Variants in PHF24 observed in about 807,000 individuals in gnomAD.
PHF24 encodes the protein PHD finger protein 24, also known as Galpha inhibitory interacting protein.
A neutral mutation model predicts 42.6 loss-of-function variants in PHF24; 25 were observed. That is an observed-to-expected ratio of 0.59 (90% confidence interval 0.43 to 0.82). The LOEUF is 0.82. PHF24 is among the 40% of genes least tolerant of loss of function. The probability of loss-of-function intolerance (pLI) is 0.00; values close to 1 mark genes in which losing one functional copy is unlikely to be tolerated. For missense variants in PHF24, 470 were observed against 538.1 expected (o/e 0.87, Z 1.25); for synonymous variants, 185 against 204.8 (o/e 0.90, Z 0.83).
At chr9:34,724,313 T>C in the PHF24 span, 14 of 1,551,332 alleles carry the variant, frequency 9.0e-6, no homozygotes, top group Non-Finnish European at 1.2e-5. Context: ...GGATTGCTTT[T>C]GGTTCTGCTG....
At chr9:34,883,516 A>G in the PHF24 span, among the ~76,000 whole-genome samples, 1 of 152,260 alleles carries the variant, frequency 6.6e-6, no homozygotes, top group Non-Finnish European at 1.5e-5. Flanking sequence ...ACAAATTTAC[A>G]AGAAAAAATC....
chr9:34,797,126 G>T, the PHF24 span, among the ~76,000 whole-genome samples: 1 of 152,172 alleles, frequency 6.6e-6, no homozygotes, highest in Non-Finnish European at 1.5e-5. Context: ...GTGCGATGGG[G>T]GTGTGGCTTG....
the PHF24 span, among the ~76,000 whole-genome samples, chr9:34,890,405 G>T: frequency 6.6e-6 from 1 of 152,186 alleles, no homozygotes; most frequent in African/African-American, 2.4e-5. Context: ...CCTCCAGGCT[G>T]GGTTGTTCAC....
chr9:34,768,417 G>A, the PHF24 span, among the ~76,000 whole-genome samples: 1 of 152,044 alleles, frequency 6.6e-6, no homozygotes, highest in African/African-American at 2.4e-5. Context: ...GTAGTTGAGT[G>A]GTTTCTTTGG....
the PHF24 span, among the ~76,000 whole-genome samples, chr9:34,797,495 TC>T: frequency 1.8e-4 from 27 of 152,008 alleles, no homozygotes; most frequent in Non-Finnish European, 3.4e-4. Context: ...GGGAAGGTTC[TC>T]CCCCGGAGTC....
the PHF24 span, among the ~76,000 whole-genome samples, chr9:34,936,010 A>G: frequency 6.7e-6 from 1 of 149,248 alleles, no homozygotes; most frequent in Non-Finnish European, 1.5e-5. Flanking sequence ...AAAAAAATTG[A>G]GTCTCCCTCT....
the PHF24 span, among the ~76,000 whole-genome samples, chr9:34,702,158 C>T: frequency 2.0e-5 from 3 of 152,088 alleles, no homozygotes; most frequent in Non-Finnish European, 4.4e-5. Flanking sequence ...AAACGCGCAA[C>T]CTTTGGCCTA....
In PHF24 at chr9:34,977,249, C is replaced by T. The variant is rs1827227464; in HGVS notation, c.1010+6C>T. On this transcript the variant is annotated splice_donor_region_variant and intron_variant, in intron 6 of 7. Coordinates refer to ENST00000242315, the Ensembl canonical transcript of PHF24. Reference sequence around the variant, plus strand: ...GCTCCTTCCTGCAGTGTCAGGTCTGCTCCTTACCAGTCCTGGTCCCCACTC... The same window carrying T: ...GCTCCTTCCTGCAGTGTCAGGTCTGTTCCTTACCAGTCCTGGTCCCCACTC... 1 of 1,595,322 alleles carries T rather than the reference C, an allele frequency of 6.3e-7. No individual in the cohort carries two copies. Among genetic ancestry groups the T allele is most frequent in the African/African-American group, 1.3e-5 (1 of 74,354 alleles).
chr9:34,898,708 A>G, the PHF24 span, among the ~76,000 whole-genome samples: 3 of 152,138 alleles, frequency 2.0e-5, no homozygotes, highest in Non-Finnish European at 2.9e-5. Context: ...TATTACTCCT[A>G]CTTAACCAGC....
chr9:34,792,770 T>G, the PHF24 span, among the ~76,000 whole-genome samples: 3 of 152,246 alleles, frequency 2.0e-5, no homozygotes, highest in Non-Finnish European at 4.4e-5. Flanking sequence ...TCAGAATACT[T>G]GCTAATGTCT....
the PHF24 span, among the ~76,000 whole-genome samples, chr9:34,784,027 G>C: frequency 2.6e-5 from 4 of 152,302 alleles, no homozygotes; most frequent in South Asian, 8.3e-4. Flanking sequence ...CAAGAAGCCA[G>C]CAGCTAGTGG....
chr9:34,897,777 C>T, the PHF24 span, among the ~76,000 whole-genome samples: 3 of 152,068 alleles, frequency 2.0e-5, no homozygotes, highest in South Asian at 4.2e-4. Context: ...ACCCATCACC[C>T]GAGCAGTATA....
At chr9:34,833,859 G>C in the PHF24 span, 721 of 1,551,104 alleles carry the variant, frequency 4.6e-4, 11 homozygotes, top group South Asian at 3.2e-3. Flanking sequence ...ACGGGACTAG[G>C]CTCCATCTCT....
At chr9:34,670,852 A>T in the PHF24 span, among the ~76,000 whole-genome samples, 1 of 152,110 alleles carries the variant, frequency 6.6e-6, no homozygotes, top group Non-Finnish European at 1.5e-5. Context: ...CACCCACTAG[A>T]TTCCCTGAGG....
chr9:34,877,280 C>CAAAAAAA, the PHF24 span, among the ~76,000 whole-genome samples: 2 of 114,388 alleles, frequency 1.7e-5, no homozygotes, highest in African/African-American at 3.5e-5. Flanking sequence ...GACTCTGTCT[C>CAAAAAAA]AAAAAAAAAA....
At chr9:34,976,005 G>T in intron 3 of PHF24, 147 bp from the exon 4 acceptor site, 1 of 642,098 alleles carries the variant, frequency 1.6e-6, no homozygotes. Flanking sequence ...CCTCTCTGGG[G>T]CCTCAATCTC....
At chr9:34,969,764 G>A (rs1826908431) in intron 1 of PHF24, among the ~76,000 whole-genome samples, 1 of 152,100 alleles carries the variant, frequency 6.6e-6, no homozygotes, top group Non-Finnish European at 1.5e-5. Flanking sequence ...CACTCAGTCA[G>A]TATTATTCCT....
At chr9:34,748,847 A>C in the PHF24 span, among the ~76,000 whole-genome samples, 1 of 152,184 alleles carries the variant, frequency 6.6e-6, no homozygotes, top group Non-Finnish European at 1.5e-5. Context: ...TGACCTCACC[A>C]AATGAATGAA....
chr9:34,860,766 A>G, the PHF24 span, among the ~76,000 whole-genome samples: 1 of 152,138 alleles, frequency 6.6e-6, no homozygotes, highest in Non-Finnish European at 1.5e-5. Flanking sequence ...CAATTTCTAT[A>G]AAGAATACAA....
Sources: gnomAD v4.1 joint callset for allele counts (sites outside exome capture counted in the v4.1 genomes callset) on GRCh38, gnomAD v4.1.1 for gene constraint, MANE v1.5 for transcripts, NCBI Gene and HGNC (gene_info 2026-07-23, HGNC 2026-07-21) for gene names.